RHOT1: variants seen among roughly 807,000 people sequenced by gnomAD.
The protein encoded by RHOT1 is mitochondrial Rho GTPase 1.
Under a neutral mutation model 95.3 loss-of-function variants are expected in RHOT1, and 27 were observed. The observed-to-expected ratio is 0.28, with a 90% CI of 0.21 to 0.39. RHOT1 has a LOEUF of 0.39. Ranked by LOEUF, RHOT1 falls within the 10% of genes least tolerant of loss-of-function variation. The pLI is 1.00. For synonymous variants in RHOT1, 227 were observed against 263.5 expected (o/e 0.86, Z 1.34); for missense variants, 578 against 786.7 (o/e 0.73, Z 3.17).
chr17:32,168,111 C>CA (rs879435542), intron 1 of RHOT1, among the ~76,000 whole-genome samples: 144 of 140,162 alleles, frequency 1.0e-3, no homozygotes, highest in Admixed American at 2.2e-3. Flanking sequence ...ACCTACTCCT[C>CA]AAAAAAAAAA....
At chr17:32,218,263 A>T (rs1223729751) in intron 19 of RHOT1, among the ~76,000 whole-genome samples, 2 of 152,074 alleles carry the variant, frequency 1.3e-5, no homozygotes, top group Non-Finnish European at 2.9e-5. Context: ...CAGAGGCAGG[A>T]GGATCACTTG....
At chr17:32,167,045 A>G (rs2034148266) in intron 1 of RHOT1, among the ~76,000 whole-genome samples, 1 of 152,224 alleles carries the variant, frequency 6.6e-6, no homozygotes. Flanking sequence ...CCTAAATAAT[A>G]AGGCTTGAAA....
rs1420589263 is a variant in RHOT1 at position 32,224,830 on chromosome 17, CAG to C, written c.*100_*101del. 8 of 687,900 alleles carry C rather than the reference CAG, an allele frequency of 1.2e-5. No homozygotes were observed. Among genetic ancestry groups the C allele is most frequent in the South Asian group, 2.2e-5 (1 of 46,008 alleles). 42.6% of individuals were successfully genotyped at this position (687,900 alleles called of 1,614,324 possible). ...AGAATTATTGAGATATTTATACATG[CAG>C]AGTTACTTTATTAATATTTGTAATT... On this transcript the variant is annotated 3_prime_UTR_variant, in exon 20 of 20. Transcript: ENST00000545287.
intron 16 of RHOT1, among the ~76,000 whole-genome samples, chr17:32,205,340 G>A (rs1336398876): frequency 2.0e-5 from 3 of 151,924 alleles, no homozygotes; most frequent in Non-Finnish European, 4.4e-5. Flanking sequence ...CCCTGCAAAG[G>A]ACATGAACTC....
At chr17:32,176,542 TTTTA>T (rs368484694) in intron 6 of RHOT1, among the ~76,000 whole-genome samples, 16,085 of 140,530 alleles carry the variant, frequency 0.11, 1,053 homozygotes, top group East Asian at 0.19. Flanking sequence ...AAAGTCTCAG[TTTTA>T]TTTATTTATT....
At chr17:32,168,269 G>C (rs1343171386) in intron 1 of RHOT1, among the ~76,000 whole-genome samples, 1 of 151,760 alleles carries the variant, frequency 6.6e-6, no homozygotes, top group Non-Finnish European at 1.5e-5. Context: ...ACATACACAT[G>C]CATGTATTTT....
intron 1 of RHOT1, chr17:32,150,651 T>C (rs2032167244): frequency 1.3e-6 from 2 of 1,594,012 alleles, no homozygotes; most frequent in South Asian, 2.2e-5. Flanking sequence ...AAGAGCTGGA[T>C]ATCTCATTCT....
In RHOT1 at chr17:32,206,192, CTTTTTTTTTTTTT is replaced by C. The variant is rs71144812; in HGVS notation, c.1417-700_1417-688del. The stretch of plus-strand genomic sequence containing the variant: ...TCACTAATACTAGCTTCCATAGAAT[CTTTTTTTTTTTTT>C]TTTTTTTTTTTTTTTTTGAGACAAG... On this transcript the variant is annotated intron_variant, in intron 16 of 19. Coordinates refer to ENST00000545287, the MANE Select transcript of RHOT1 (RefSeq NM_001033566.3). Among the ~76,000 whole-genome samples the C allele has an allele frequency of 4.5e-4, 27 of 60,528 alleles. 1 individual carries two copies. The highest frequency in any genetic ancestry group is 1.6e-3 in the African/African-American group (21 of 13,000). The allele number at this position is 60,528 out of a possible 152,430, so 39.7% of individuals were successfully genotyped here. A position where few individuals can be genotyped will look rare whatever the true frequency, so the allele number is the denominator to read the frequency against.
At chr17:32,149,601 A>ATG (rs2031919426) in intron 1 of RHOT1, among the ~76,000 whole-genome samples, 1 of 64,508 alleles carries the variant, frequency 1.6e-5, no homozygotes, top group African/African-American at 1.1e-4. Flanking sequence ...CTATATATAT[A>ATG]TATATATATA....
chr17:32,173,638 G>T (rs2034753349), intron 2 of RHOT1, among the ~76,000 whole-genome samples, 193 bp from the exon 3 acceptor site: 1 of 151,406 alleles, frequency 6.6e-6, no homozygotes, highest in South Asian at 2.1e-4. Context: ...ACTTGAACCT[G>T]GGCAGCAGAG....
chr17:32,193,952 CTG>C (rs1318199513), intron 10 of RHOT1, 33 bp from the exon 11 acceptor site: 1 of 1,607,864 alleles, frequency 6.2e-7, no homozygotes, highest in East Asian at 2.2e-5. Context: ...CTATGTGACT[CTG>C]TACACTTTAT....
In RHOT1 at chr17:32,208,182, T is replaced by C. The variant is rs1273382779; in HGVS notation, c.1612T>C (p.Tyr538His). The C allele has an allele frequency of 6.2e-7, 1 of 1,613,968 alleles. No individual in the cohort carries two copies. Among genetic ancestry groups the C allele is most frequent in the Non-Finnish European group, 8.5e-7 (1 of 1,179,952 alleles). Residue 538 changes from tyrosine (Y) to histidine (H), a missense_variant, in exon 18 of 20, where the codon TAC (tyrosine) becomes CAC (histidine). By Grantham distance (83) the Tyr-to-His change is moderately conservative. Coordinates refer to ENST00000545287, the MANE Select transcript of RHOT1 (RefSeq NM_001033566.3). ...AGACCTGCATGAAGTTAAACAAGAA[T>C]ACAGTATTTCACCTACTGATTTCTG... ...KSDLHEVKQE[Y>H]SISPTDFCRK... is the part of the protein sequence containing the mutation.
At chr17:32,190,213 T>C (rs538517083) in intron 8 of RHOT1, among the ~76,000 whole-genome samples, 30 of 152,126 alleles carry the variant, frequency 2.0e-4, no homozygotes, top group Admixed American at 1.8e-3. Context: ...CCCAGCACTT[T>C]GGGGGGCCGA....
At chr17:32,223,936 G>C (rs2038988049) in intron 19 of RHOT1, among the ~76,000 whole-genome samples, 1 of 152,138 alleles carries the variant, frequency 6.6e-6, no homozygotes, top group South Asian at 2.1e-4. Flanking sequence ...CTTATTTTAT[G>C]TCATTGCCTT....
intron 1 of RHOT1, among the ~76,000 whole-genome samples, chr17:32,145,382 A>G (rs1028783982): frequency 1.6e-4 from 25 of 152,226 alleles, no homozygotes; most frequent in African/African-American, 6.0e-4. Flanking sequence ...AAATTGAGAT[A>G]TATTTGTTTT....
chr17:32,153,754 C>T (rs1033796639), intron 1 of RHOT1, among the ~76,000 whole-genome samples: 1 of 152,178 alleles, frequency 6.6e-6, no homozygotes, highest in Non-Finnish European at 1.5e-5. Context: ...TATGGAGACA[C>T]TCCAGGAAAA....
intron 1 of RHOT1, among the ~76,000 whole-genome samples, chr17:32,145,128 A>G (rs1416520116): frequency 6.6e-6 from 1 of 152,044 alleles, no homozygotes; most frequent in Non-Finnish European, 1.5e-5. Flanking sequence ...GACGAAACCC[A>G]GTCTCTACTA....
At position 32,200,994 on chromosome 17, in the gene RHOT1, A is replaced by G. The variant is rs2037275969; in HGVS notation, c.1139A>G (p.Tyr380Cys). 1.2e-6 allele frequency: 2 copies of G among 1,612,630 alleles called. No homozygotes were observed. Among genetic ancestry groups the G allele is most frequent in the Non-Finnish European group, 8.5e-7 (1 of 1,179,408 alleles). ...TYLDVQRCLE[Y>C]LGYLGYSILT... is the part of the protein sequence containing the mutation. The stretch of plus-strand genomic sequence containing the variant: ...TTAGATGTACAGCGGTGCCTGGAAT[A>G]TTTGGGCTATCTAGGCTATTCAATA... The change falls in exon 14 of 20, where the codon TAT becomes TGT. Residue 380 changes from tyrosine to cysteine, a missense_variant. This residue lies in a region of RHOT1 where 296 missense variants were observed against 338.5 expected (regional missense o/e 0.87). Coordinates refer to ENST00000545287, the MANE Select transcript of RHOT1 (RefSeq NM_001033566.3).
intron 16 of RHOT1, among the ~76,000 whole-genome samples, chr17:32,204,951 C>T (rs1249068018): frequency 6.6e-6 from 1 of 151,120 alleles, no homozygotes; most frequent in African/African-American, 2.4e-5. Context: ...CCACTGCACT[C>T]CAGCCTGGGC....
Sources: allele counts gnomAD v4.1 joint callset (sites outside exome capture counted in the v4.1 genomes callset), GRCh38; gene constraint gnomAD v4.1.1; regional missense constraint gnomAD v4.1.1; transcripts MANE v1.5; gene names NCBI Gene and HGNC (gene_info 2026-07-23, HGNC 2026-07-21).